Variants in CDC14B observed in about 807,000 individuals in gnomAD.
CDC14B encodes the protein cell division cycle 14B.
Under a neutral mutation model 64.2 loss-of-function variants are expected in CDC14B, and 22 were observed. That is an observed-to-expected ratio of 0.34 (90% CI 0.24 to 0.49). The LOEUF (loss-of-function observed/expected upper bound fraction) is 0.49, where lower values mean the gene tolerates loss of function less well. Ranked by LOEUF, CDC14B falls within the 20% of genes least tolerant of loss-of-function variation. The pLI is 0.99. For synonymous variants in CDC14B, 191 were observed against 215.8 expected, an observed-to-expected ratio of 0.89 and a Z score of 1.01; for missense variants, 498 against 629.9, an observed-to-expected ratio of 0.79 and a Z score of 2.24.
chr9:96,510,887 T>G (rs1409954069), intron 12 of CDC14B, among the ~76,000 whole-genome samples: 1 of 152,146 alleles, frequency 6.6e-6, no homozygotes, highest in Non-Finnish European at 1.5e-5. Context: ...GGATTACAGG[T>G]GTGAGCCACC....
intron 1 of CDC14B, among the ~76,000 whole-genome samples, chr9:96,570,542 C>T (rs1000354899): frequency 1.3e-5 from 2 of 152,318 alleles, no homozygotes; most frequent in Admixed American, 1.3e-4. Flanking sequence ...CAGGCTCCAC[C>T]TGAACAGATT....
intron 13 of CDC14B, among the ~76,000 whole-genome samples, chr9:96,507,152 G>C (rs1417660926): frequency 6.6e-6 from 1 of 152,040 alleles, no homozygotes; most frequent in Non-Finnish European, 1.5e-5. Context: ...AAATTAGCCA[G>C]GTGTGGTGGC....
rs192474319 is a variant in CDC14B, at chr9:96,600,652, G to A, written c.160+18567C>T. On this transcript the variant is annotated intron_variant, in intron 1 of 13. Transcript: ENST00000375241. ...TGAGCAGCTGGGATAACAGGTGTGC[G>A]CCACCAAGCCCGGCTAATTTTTGTA... is the stretch of plus-strand genomic sequence containing the variant. Among the ~76,000 whole-genome samples the A allele has an allele frequency of 3.7e-3, 565 of 152,064 alleles. 2 individuals carry two copies. The highest frequency in any genetic ancestry group is 5.9e-3 in the Non-Finnish European group (399 of 67,982).
chr9:96,528,136 T>C (rs969964664), intron 9 of CDC14B, among the ~76,000 whole-genome samples: 5 of 152,222 alleles, frequency 3.3e-5, no homozygotes, highest in African/African-American at 1.2e-4. Context: ...ATGCATAATA[T>C]TCTGTTGTAT....
At chr9:96,590,404 G>A (rs781184816) in intron 1 of CDC14B, among the ~76,000 whole-genome samples, 2 of 152,100 alleles carry the variant, frequency 1.3e-5, no homozygotes, top group African/African-American at 2.4e-5. Context: ...GATGAATATT[G>A]AGGTGGCTTC....
chr9:96,590,383 A>AT (rs1845711257), intron 1 of CDC14B, among the ~76,000 whole-genome samples: 1 of 152,148 alleles, frequency 6.6e-6, no homozygotes, highest in Admixed American at 6.6e-5. Context: ...TTCTTTTTCC[A>AT]TTCATCTGTT....
At chr9:96,597,461 TCCAGCCTGGGTAA>T (rs1367002779) in intron 1 of CDC14B, among the ~76,000 whole-genome samples, 3 of 143,248 alleles carry the variant, frequency 2.1e-5, no homozygotes, top group Non-Finnish European at 3.0e-5. Context: ...GTCATTGCGC[TCCAGCCTGGGTAA>T]CAAAGAAAGA....
intron 4 of CDC14B, among the ~76,000 whole-genome samples, chr9:96,561,143 G>A (rs534779937): frequency 6.6e-6 from 1 of 152,040 alleles, no homozygotes; most frequent in African/African-American, 2.4e-5. Flanking sequence ...CACCATGTTG[G>A]CCAGGCTGGT....
chr9:96,520,659 T>TA (rs1409402715), intron 12 of CDC14B, among the ~76,000 whole-genome samples: 1 of 152,216 alleles, frequency 6.6e-6, no homozygotes, highest in African/African-American at 2.4e-5. Context: ...TATTAAAACA[T>TA]AAACTGATGA....
chr9:96,559,384 C>T (rs1354844126), intron 4 of CDC14B, among the ~76,000 whole-genome samples: 5 of 152,232 alleles, frequency 3.3e-5, no homozygotes, highest in South Asian at 4.1e-4. Context: ...CATGCCAAGT[C>T]GAACACTAAA....
chr9:96,587,830 A>G (rs1007469038), intron 1 of CDC14B, among the ~76,000 whole-genome samples: 3 of 152,284 alleles, frequency 2.0e-5, no homozygotes, highest in Admixed American at 6.5e-5. Flanking sequence ...ACATATATCA[A>G]CAAGTGCCCC....
chr9:96,580,447 T>C (rs1470151428), intron 1 of CDC14B, among the ~76,000 whole-genome samples: 3 of 152,176 alleles, frequency 2.0e-5, no homozygotes, highest in Admixed American at 6.5e-5. Flanking sequence ...ATCAGGCTTG[T>C]CTTGAATTCC....
chr9:96,579,713 C>A (rs996449744), intron 1 of CDC14B, among the ~76,000 whole-genome samples: 1 of 152,132 alleles, frequency 6.6e-6, no homozygotes, highest in Non-Finnish European at 1.5e-5. Flanking sequence ...CAGAAGCCAA[C>A]CCCGCTGGCT....
intron 1 of CDC14B, among the ~76,000 whole-genome samples, chr9:96,610,649 C>CA (rs58120277): frequency 0.074 from 9,772 of 131,508 alleles, 553 homozygotes; most frequent in East Asian, 0.17. Context: ...TAAATGACCA[C>CA]AAAAAAAAAA....
At chr9:96,512,180 C>T (rs1834991624) in intron 12 of CDC14B, among the ~76,000 whole-genome samples, 3 of 149,450 alleles carry the variant, frequency 2.0e-5, no homozygotes, top group South Asian at 4.2e-4. Flanking sequence ...TTTGTGTCAC[C>T]GATCTCCAGC....
At chr9:96,618,597 G>A (rs776828510) in intron 1 of CDC14B, 1 of 532,784 alleles carries the variant, frequency 1.9e-6, no homozygotes, top group Non-Finnish European at 3.8e-6. Flanking sequence ...TCGAGGCCCC[G>A]GCGGGGAGCG....
intron 1 of CDC14B, among the ~76,000 whole-genome samples, chr9:96,602,877 T>C (rs888974336): frequency 6.6e-6 from 1 of 152,066 alleles, no homozygotes; most frequent in Non-Finnish European, 1.5e-5. Flanking sequence ...GAAACTTTAT[T>C]TGTGGGCTGG....
rs781491247 is a variant in CDC14B, at chr9:96,509,678, A to G, written c.1455T>C (p.Val485=). ...GAGTAGGATTCTTTTCTCACCTTTT[A>G]ACACTGCTTTTCCTTGAAGCAGATC... is the stretch of plus-strand genomic sequence containing the variant. ...TTRSASRKSS[V]KSLSISRTKT... is the part of the protein sequence containing the mutation. The change falls in exon 13 of 14, where the codon GTT becomes GTC. Residue 485 remains valine (V), a synonymous_variant. Transcript: ENST00000375241. 2.0e-5 allele frequency: 31 copies of G among 1,587,710 alleles called. No homozygotes were observed. The Admixed American group carries it at 5.0e-4, about 26-fold the overall frequency.
Position 96,501,609 on chromosome 9 carries a change from A to G in CDC14B, c.*2144T>C, listed in dbSNP as rs1261532216. ...TGGTTATTACAAGGAATGCCTCTTC[A>G]CCAAATCACAAGTTTTCTATGACTA... On this transcript the variant is annotated 3_prime_UTR_variant, in exon 14 of 14. Transcript: ENST00000375241. The G allele has an allele frequency of 6.6e-6, 1 of 152,616 alleles. No individual in the cohort carries two copies. The highest frequency in any genetic ancestry group is 1.5e-5 in the Non-Finnish European group (1 of 68,044). 9.5% of individuals were successfully genotyped at this position (152,616 alleles called of 1,614,324 possible).
Sources: allele counts gnomAD v4.1 joint callset (sites outside exome capture counted in the v4.1 genomes callset), GRCh38; gene constraint gnomAD v4.1.1; transcripts MANE v1.5; gene names NCBI Gene and HGNC (gene_info 2026-07-23, HGNC 2026-07-21).